The following SLCO1B1 variants were observed in gnomAD, a reference collection of about 807,000 sequenced individuals.
The protein encoded by SLCO1B1 is OATP-2.
SLCO1B1 carries 81 observed loss-of-function variants against 70.1 expected under a neutral mutation model. The observed-to-expected ratio is 1.16, with a 90% confidence interval of 0.97 to 1.39. The LOEUF is 1.39. Among genes scored for constraint, SLCO1B1 ranks in the 40% most tolerant of loss-of-function variants. The pLI, the probability that SLCO1B1 is intolerant of heterozygous loss-of-function variation, is 0.00. For synonymous variants in SLCO1B1, 283 were observed against 271.5 expected, an observed-to-expected ratio of 1.04 and a Z score of -0.42; for missense variants, 895 against 799.6, an observed-to-expected ratio of 1.12 and a Z score of -1.44.
At chr12:21,157,062 A>C (rs1186478682) in intron 2 of SLCO1B1, among the ~76,000 whole-genome samples, 2 of 152,216 alleles carry the variant, frequency 1.3e-5, no homozygotes, top group Non-Finnish European at 2.9e-5. Context: ...ACCTTCTAAA[A>C]TAAGTAAGCT....
intron 2 of SLCO1B1, among the ~76,000 whole-genome samples, chr12:21,160,784 C>T (rs571137642): frequency 1.3e-5 from 2 of 151,878 alleles, no homozygotes; most frequent in Non-Finnish European, 2.9e-5. Flanking sequence ...GTCTAATATC[C>T]AGCATCTATA....
intron 4 of SLCO1B1, among the ~76,000 whole-genome samples, chr12:21,175,787 T>C (rs1158912843): frequency 6.6e-6 from 1 of 152,100 alleles, no homozygotes; most frequent in Non-Finnish European, 1.5e-5. Flanking sequence ...TCCTCTAATT[T>C]CCTTTTTAAT....
chr12:21,234,059 C>A (rs1261709592), intron 14 of SLCO1B1, among the ~76,000 whole-genome samples: 1 of 152,130 alleles, frequency 6.6e-6, no homozygotes, highest in African/African-American at 2.4e-5. Flanking sequence ...TGCAGTACAC[C>A]AGAGTTTTGT....
chr12:21,234,929 T>A (rs983783938), intron 14 of SLCO1B1, among the ~76,000 whole-genome samples: 6 of 152,190 alleles, frequency 3.9e-5, no homozygotes, highest in East Asian at 1.9e-4. Context: ...TCTGATTTTT[T>A]AAAAAATTTA....
chr12:21,144,373 GA>G (rs1469762274), intron 2 of SLCO1B1, among the ~76,000 whole-genome samples: 1 of 151,902 alleles, frequency 6.6e-6, no homozygotes, highest in African/African-American at 2.4e-5. Flanking sequence ...AAAATTAAAG[GA>G]AAAATATTAA....
At chr12:21,206,594 A>T (rs1415337086) in intron 11 of SLCO1B1, among the ~76,000 whole-genome samples, 1 of 151,850 alleles carries the variant, frequency 6.6e-6, no homozygotes, top group Non-Finnish European at 1.5e-5. Context: ...CAAAGCTGGC[A>T]CTTCTACCCA....
chr12:21,190,487 C>T (rs949795717), intron 7 of SLCO1B1, among the ~76,000 whole-genome samples: 1 of 152,172 alleles, frequency 6.6e-6, no homozygotes, highest in African/African-American at 2.4e-5. Context: ...TCCCAACCAC[C>T]TGGCTTCTGG....
intron 14 of SLCO1B1, among the ~76,000 whole-genome samples, chr12:21,236,401 C>T (rs1020504863): frequency 2.0e-5 from 3 of 152,148 alleles, no homozygotes; most frequent in Admixed American, 1.3e-4. Context: ...GGAGAATCCT[C>T]AGGCAGGGCG....
At chr12:21,216,512 C>T (rs1052478379) in intron 11 of SLCO1B1, among the ~76,000 whole-genome samples, 2 of 152,298 alleles carry the variant, frequency 1.3e-5, no homozygotes, top group Non-Finnish European at 2.9e-5. Flanking sequence ...CTTCTGTGCT[C>T]TAAACACTAG....
At chr12:21,228,943 C>T (rs1941505821) in intron 14 of SLCO1B1, among the ~76,000 whole-genome samples, 1 of 151,736 alleles carries the variant, frequency 6.6e-6, no homozygotes. Flanking sequence ...AACTCATGGC[C>T]CTTATCACTT....
intron 3 of SLCO1B1, among the ~76,000 whole-genome samples, chr12:21,173,197 G>A (rs966604944): frequency 3.3e-5 from 5 of 152,122 alleles, no homozygotes; most frequent in East Asian, 3.9e-4. Context: ...AGCAACCTAC[G>A]TTAGACCTCT....
chr12:21,133,348 GT>G (rs1014716212), intron 1 of SLCO1B1, among the ~76,000 whole-genome samples: 32 of 152,246 alleles, frequency 2.1e-4, no homozygotes, highest in African/African-American at 6.7e-4. Context: ...CTTTAAAGTA[GT>G]TTTTTCCAAT....
At chr12:21,154,819 T>G (rs549028597) in intron 2 of SLCO1B1, among the ~76,000 whole-genome samples, 37 of 152,290 alleles carry the variant, frequency 2.4e-4, no homozygotes, top group African/African-American at 8.7e-4. Context: ...TTTTGAGGCC[T>G]TATATGCTTG....
intron 7 of SLCO1B1, among the ~76,000 whole-genome samples, chr12:21,188,197 C>G (rs1269055663): frequency 2.0e-5 from 3 of 152,084 alleles, no homozygotes; most frequent in African/African-American, 7.2e-5. Flanking sequence ...GTACTTGCCT[C>G]TTTTGCCTTC....
chr12:21,238,756 A>G (rs569470858), intron 14 of SLCO1B1, among the ~76,000 whole-genome samples: 21 of 152,226 alleles, frequency 1.4e-4, no homozygotes, highest in Admixed American at 1.2e-3. Flanking sequence ...CGTTTTATGA[A>G]GAAGGCCAGA....
intron 14 of SLCO1B1, among the ~76,000 whole-genome samples, chr12:21,231,053 A>G (rs759269417): frequency 2.9e-5 from 4 of 138,480 alleles, no homozygotes; most frequent in East Asian, 2.2e-4. Flanking sequence ...ATTCCCACCT[A>G]TGAGTGAAAA....
chr12:21,168,175 G>A (rs1447705641), intron 2 of SLCO1B1, among the ~76,000 whole-genome samples: 1 of 151,160 alleles, frequency 6.6e-6, no homozygotes. Context: ...TTCGTGACTG[G>A]CTTATTTAGC....
intron 2 of SLCO1B1, among the ~76,000 whole-genome samples, chr12:21,144,302 C>T (rs1940353102): frequency 1.3e-5 from 2 of 151,810 alleles, no homozygotes; most frequent in Non-Finnish European, 2.9e-5. Flanking sequence ...ACAAAATAGA[C>T]CAAGCTTAAG....
chr12:21,189,267 CACTT>C (rs1940999712), intron 7 of SLCO1B1, among the ~76,000 whole-genome samples: 1 of 152,108 alleles, frequency 6.6e-6, no homozygotes, highest in African/African-American at 2.4e-5. Context: ...TTCTTGCAAA[CACTT>C]TCTTTCTTAA....
Sources: gnomAD v4.1 joint callset for allele counts (sites outside exome capture counted in the v4.1 genomes callset) on GRCh38, gnomAD v4.1.1 for gene constraint, MANE v1.5 for transcripts, NCBI Gene and HGNC (gene_info 2026-07-23, HGNC 2026-07-21) for gene names.